Variants in CRPPA observed in about 807,000 individuals in gnomAD.
CRPPA encodes the protein CDP-L-ribitol pyrophosphorylase A, also known as D-ribitol-5-phosphate cytidylyltransferase.
In CRPPA, 43 loss-of-function variants were observed where a neutral mutation model predicts 52.0. The observed-to-expected ratio is 0.83, with a 90% confidence interval of 0.65 to 1.07. The LOEUF is 1.07. Ranked by LOEUF, CRPPA falls within the 50% of genes least tolerant of loss-of-function variation. CRPPA has a pLI of 0.00. For synonymous variants in CRPPA, 250 were observed against 203.5 expected (o/e 1.23, Z -1.94); for missense variants, 629 against 551.7 (o/e 1.14, Z -1.40).
At chr7:16,351,087 C>A (rs551692777) in intron 3 of CRPPA, among the ~76,000 whole-genome samples, 1 of 152,072 alleles carries the variant, frequency 6.6e-6, no homozygotes, top group East Asian at 1.9e-4. Flanking sequence ...ATCAGAGCAT[C>A]TAAATATATA....
At chr7:16,264,645 G>T (rs922471168) in intron 6 of CRPPA, among the ~76,000 whole-genome samples, 1 of 152,152 alleles carries the variant, frequency 6.6e-6, no homozygotes, top group African/African-American at 2.4e-5. Flanking sequence ...GAAAACGTTG[G>T]CTGGGTCATC....
At chr7:16,217,591 C>T (rs1169501294) in intron 8 of CRPPA, among the ~76,000 whole-genome samples, 1 of 144,358 alleles carries the variant, frequency 6.9e-6, no homozygotes, top group Non-Finnish European at 1.5e-5. Flanking sequence ...CAGAGAAGTG[C>T]TTAAAGGAGC....
chr7:16,271,829 G>C (rs1459390539), intron 6 of CRPPA, among the ~76,000 whole-genome samples: 1 of 151,864 alleles, frequency 6.6e-6, no homozygotes, highest in African/African-American at 2.4e-5. Flanking sequence ...TCCCCAACTG[G>C]ACAATATGCT....
At chr7:16,418,761 A>G (rs1788254475) in intron 1 of CRPPA, among the ~76,000 whole-genome samples, 1 of 152,196 alleles carries the variant, frequency 6.6e-6, no homozygotes, top group African/African-American at 2.4e-5. Context: ...TCTCTCCTTT[A>G]ACATGCGGGG....
chr7:16,222,377 T>C (rs928467944), intron 8 of CRPPA, among the ~76,000 whole-genome samples: 29 of 149,094 alleles, frequency 1.9e-4, no homozygotes, highest in African/African-American at 6.4e-4. Context: ...CGCACCAGCA[T>C]GGCACATGTA....
intron 3 of CRPPA, among the ~76,000 whole-genome samples, chr7:16,339,022 G>T (rs898433438): frequency 6.6e-5 from 10 of 151,628 alleles, no homozygotes; most frequent in Non-Finnish European, 1.5e-4. Flanking sequence ...CTTCACCGTG[G>T]TCTCGATCTC....
At chr7:16,190,444 C>T (rs970866648) in intron 9 of CRPPA, among the ~76,000 whole-genome samples, 6 of 152,022 alleles carry the variant, frequency 3.9e-5, no homozygotes, top group African/African-American at 9.7e-5. Flanking sequence ...GTAACTATAA[C>T]GTAACAATAC....
rs550038470 is a variant in CRPPA at position 16,359,227 on chromosome 7, A to T, written c.684+16865T>A. Among the ~76,000 whole-genome samples the T allele has an allele frequency of 1.2e-4, 18 of 152,252 alleles. No homozygotes were observed. In the East Asian group the frequency reaches 3.3e-3, roughly 28 times the overall value. ...ACCTAGAACTCCTTGGCTCAAGGTG[A>T]TCCTCTGCCTCAGCCTCCCTCTTGA... On this transcript the variant is annotated intron_variant, in intron 3 of 9. Transcript: ENST00000407010.
rs147163184 is a variant in CRPPA at position 16,337,845 on chromosome 7, G to T, written c.685-29218C>A. Among the ~76,000 whole-genome samples, 24 of 152,178 alleles carry T rather than the reference G, an allele frequency of 1.6e-4. No individual in the cohort carries two copies. In the East Asian group the frequency reaches 4.4e-3, roughly 28 times the overall value. On this transcript the variant is annotated intron_variant, in intron 3 of 9. Transcript: ENST00000407010. ...TAAACCAATAACAATTAAGGACACT[G>T]CAATCAGTGCTAAGTTTCCCCCAGA...
intron 9 of CRPPA, among the ~76,000 whole-genome samples, chr7:16,138,331 G>T (rs1782800307): frequency 6.6e-6 from 1 of 152,150 alleles, no homozygotes; most frequent in Non-Finnish European, 1.5e-5. Context: ...ACTGGCAAAG[G>T]TACTACATCT....
chr7:16,134,150 C>G (rs1782724170), intron 9 of CRPPA, among the ~76,000 whole-genome samples: 1 of 124,930 alleles, frequency 8.0e-6, no homozygotes. Context: ...TCAGGATGGT[C>G]TCAATCCCCT....
chr7:16,291,875 T>C (rs968231388), intron 5 of CRPPA, among the ~76,000 whole-genome samples: 1 of 151,998 alleles, frequency 6.6e-6, no homozygotes. Context: ...TTTCCTGAAC[T>C]CTAATGCAAT....
chr7:16,366,761 A>G (rs1786601654), intron 3 of CRPPA, among the ~76,000 whole-genome samples: 1 of 151,364 alleles, frequency 6.6e-6, no homozygotes. Context: ...AATAATTGAG[A>G]GAATTAAAAA....
chr7:16,333,368 G>C (rs540222226), intron 3 of CRPPA, among the ~76,000 whole-genome samples: 1 of 152,142 alleles, frequency 6.6e-6, no homozygotes, highest in South Asian at 2.1e-4. Flanking sequence ...CACTTCTGAG[G>C]CCATTAAAAA....
At chr7:16,196,687 C>A (rs1004707974) in intron 9 of CRPPA, among the ~76,000 whole-genome samples, 1 of 152,084 alleles carries the variant, frequency 6.6e-6, no homozygotes, top group African/African-American at 2.4e-5. Flanking sequence ...TTCAGAATTA[C>A]AGGACTCACT....
chr7:16,365,171 C>A (rs1228257452), intron 3 of CRPPA, among the ~76,000 whole-genome samples: 1 of 152,160 alleles, frequency 6.6e-6, no homozygotes, highest in Non-Finnish European at 1.5e-5. Context: ...AACCATGATA[C>A]AGGTCATAGG....
chr7:16,205,816 C>T (rs1001167267), intron 9 of CRPPA, among the ~76,000 whole-genome samples: 3 of 151,766 alleles, frequency 2.0e-5, no homozygotes, highest in Non-Finnish European at 4.4e-5. Context: ...GATGATCCTC[C>T]CTAAAGAGCC....
At chr7:16,247,895 G>C (rs749252078) in intron 8 of CRPPA, 4 of 151,966 alleles carry the variant, frequency 2.6e-5, no homozygotes, top group Non-Finnish European at 4.4e-5. Context: ...CTTGGTACAG[G>C]AACAACAGAG....
chr7:16,360,086 A>G (rs1786402463), intron 3 of CRPPA, among the ~76,000 whole-genome samples: 1 of 152,204 alleles, frequency 6.6e-6, no homozygotes, highest in Non-Finnish European at 1.5e-5. Flanking sequence ...TGTCTAGCCT[A>G]AAGACAGATG....
Sources: gnomAD v4.1 joint callset for allele counts (sites outside exome capture counted in the v4.1 genomes callset) on GRCh38, gnomAD v4.1.1 for gene constraint, MANE v1.5 for transcripts, NCBI Gene and HGNC (gene_info 2026-07-23, HGNC 2026-07-21) for gene names.